Variants in PHYHIPL observed in about 807,000 individuals in gnomAD.
PHYHIPL encodes the protein phytanoyl-CoA hydroxylase-interacting protein-like.
In PHYHIPL, 9 loss-of-function variants were observed where a neutral mutation model predicts 33.4. The observed-to-expected ratio is 0.27, with a 90% CI of 0.16 to 0.47. The LOEUF (loss-of-function observed/expected upper bound fraction) is 0.47. Ranked by LOEUF, PHYHIPL falls within the 20% of genes least tolerant of loss-of-function variation. The pLI, the probability that PHYHIPL is intolerant of heterozygous loss-of-function variation, is 0.99. For synonymous variants in PHYHIPL, 153 were observed against 154.1 expected (o/e 0.99, Z 0.05); for missense variants, 365 against 460.7 (o/e 0.79, Z 1.90).
intron 4 of PHYHIPL, among the ~76,000 whole-genome samples, chr10:59,241,824 T>G (rs1417667640): frequency 6.6e-6 from 1 of 152,138 alleles, no homozygotes; most frequent in Non-Finnish European, 1.5e-5. Flanking sequence ...TATTGAGCAC[T>G]TCAATATGTT....
At chr10:59,187,848 TTC>T (rs1192281434) in intron 1 of PHYHIPL, among the ~76,000 whole-genome samples, 1 of 152,188 alleles carries the variant, frequency 6.6e-6, no homozygotes, top group Non-Finnish European at 1.5e-5. Flanking sequence ...TATTTGATTC[TTC>T]TCTCTTTTCT....
intron 4 of PHYHIPL, among the ~76,000 whole-genome samples, chr10:59,239,505 G>T (rs1370551906): frequency 6.6e-6 from 1 of 151,904 alleles, no homozygotes; most frequent in Non-Finnish European, 1.5e-5. Context: ...ATGAGATTTG[G>T]GTGGGGACAC....
chr10:59,188,567 G>A (rs2133195060), intron 1 of PHYHIPL, among the ~76,000 whole-genome samples: 1 of 152,222 alleles, frequency 6.6e-6, no homozygotes, highest in African/African-American at 2.4e-5. Flanking sequence ...ACAGTGGGGT[G>A]TTAAAGTCTC....
intron 4 of PHYHIPL, 106 bp from the exon 5 acceptor site, chr10:59,244,950 AT>A (rs1840599591): frequency 1.8e-6 from 2 of 1,132,190 alleles, no homozygotes; most frequent in African/African-American, 3.1e-5. Flanking sequence ...TAAGAGAGGT[AT>A]TCAGGCCTTT....
intron 1 of PHYHIPL, among the ~76,000 whole-genome samples, chr10:59,217,112 G>A (rs1839639417): frequency 6.6e-6 from 1 of 152,034 alleles, no homozygotes; most frequent in Non-Finnish European, 1.5e-5. Context: ...TTAAGTGATA[G>A]TATACTAGAC....
At position 59,186,409 on chromosome 10, in the gene PHYHIPL, A is replaced by T. The variant is rs545848856; in HGVS notation, c.106+9450A>T. Reference sequence around the variant, plus strand: ...TGAAGTCAGGTAGCATGATGCCTCCAGCTTTGTTCTTTTTGCTTAGGATTG... The same window carrying T: ...TGAAGTCAGGTAGCATGATGCCTCCTGCTTTGTTCTTTTTGCTTAGGATTG... On this transcript the variant is annotated intron_variant, in intron 1 of 4. Transcript: ENST00000373880. Among the ~76,000 whole-genome samples the T allele has an allele frequency of 3.9e-4, 60 of 152,302 alleles. 2 individuals carry two copies. The highest frequency in any genetic ancestry group is 3.5e-3 in the South Asian group (17 of 4,828).
intron 1 of PHYHIPL, among the ~76,000 whole-genome samples, chr10:59,226,221 C>T (rs1277690610): frequency 6.6e-6 from 1 of 151,970 alleles, no homozygotes; most frequent in African/African-American, 2.4e-5. Flanking sequence ...GGAAGCCACA[C>T]TGGAAGAAAA....
intron 1 of PHYHIPL, chr10:59,177,330 G>T: frequency 1.3e-6 from 1 of 761,142 alleles, no homozygotes; most frequent in Non-Finnish European, 2.0e-6. Context: ...AAATGCCCTC[G>T]GGATGTTTCT....
upstream of PHYHIPL, among the ~76,000 whole-genome samples, chr10:59,174,442 T>G (rs1453430578): frequency 1.3e-5 from 2 of 152,144 alleles, no homozygotes; most frequent in Non-Finnish European, 2.9e-5. Context: ...ATAAACAAAT[T>G]TACATTTTAT....
At chr10:59,176,434 A>T (rs906553193), upstream of PHYHIPL, among the ~76,000 whole-genome samples, 2 of 151,554 alleles carry the variant, frequency 1.3e-5, no homozygotes, top group Non-Finnish European at 2.9e-5. Flanking sequence ...CTCACGCGCG[A>T]GGTTGCCTTG....
At chr10:59,178,217 G>A (rs1164060890) in intron 1 of PHYHIPL, among the ~76,000 whole-genome samples, 1 of 151,560 alleles carries the variant, frequency 6.6e-6, no homozygotes, top group African/African-American at 2.4e-5. Context: ...TTTGAAACCA[G>A]AATTCAAACT....
chr10:59,178,182 T>C (rs1451374901), intron 1 of PHYHIPL, among the ~76,000 whole-genome samples: 3 of 151,662 alleles, frequency 2.0e-5, no homozygotes, highest in Non-Finnish European at 4.4e-5. Flanking sequence ...TTTATATTTA[T>C]TAATATAAAT....
chr10:59,216,523 G>C (rs565883075), intron 1 of PHYHIPL, among the ~76,000 whole-genome samples: 15 of 152,172 alleles, frequency 9.9e-5, no homozygotes, highest in South Asian at 2.1e-4. Context: ...TAAGGTGGGA[G>C]AAGATCAATG....
chr10:59,207,723 C>T (rs1222155292), intron 1 of PHYHIPL, among the ~76,000 whole-genome samples: 1 of 152,102 alleles, frequency 6.6e-6, no homozygotes, highest in Non-Finnish European at 1.5e-5. Context: ...AACCCTGTCT[C>T]TACTAAAAAT....
intron 1 of PHYHIPL, among the ~76,000 whole-genome samples, chr10:59,195,357 A>C (rs749285620): frequency 6.6e-6 from 1 of 152,240 alleles, no homozygotes; most frequent in Non-Finnish European, 1.5e-5. Flanking sequence ...GGGAGCCTTC[A>C]TAAGGAAATG....
intron 2 of PHYHIPL, among the ~76,000 whole-genome samples, chr10:59,235,044 G>A (rs1840183380): frequency 6.6e-6 from 1 of 151,850 alleles, no homozygotes; most frequent in African/African-American, 2.4e-5. Context: ...TATGTGCAAT[G>A]CATAGTTTTC....
At chr10:59,189,903 T>C (rs1838735809) in intron 1 of PHYHIPL, among the ~76,000 whole-genome samples, 1 of 151,934 alleles carries the variant, frequency 6.6e-6, no homozygotes, top group Admixed American at 6.6e-5. Flanking sequence ...TAGCATTTGG[T>C]ATTGCTGGAG....
intron 1 of PHYHIPL, among the ~76,000 whole-genome samples, chr10:59,214,176 C>T (rs1350591418): frequency 2.6e-5 from 4 of 151,992 alleles, no homozygotes; most frequent in Admixed American, 1.3e-4. Flanking sequence ...TGAAACCATA[C>T]AAGCACAAGG....
chr10:59,185,870 T>C (rs1838583624), intron 1 of PHYHIPL, among the ~76,000 whole-genome samples: 1 of 152,186 alleles, frequency 6.6e-6, no homozygotes, highest in South Asian at 2.1e-4. Context: ...TATTAGCCCT[T>C]TGTCAGATGA....
Sources: allele counts gnomAD v4.1 joint callset (sites outside exome capture counted in the v4.1 genomes callset), GRCh38; gene constraint gnomAD v4.1.1; transcripts MANE v1.5; gene names NCBI Gene and HGNC (gene_info 2026-07-23, HGNC 2026-07-21).